DIP2C: variants seen among roughly 807,000 people sequenced by gnomAD.
DIP2C encodes the protein disco-interacting protein 2 homolog C.
In DIP2C, 33 loss-of-function variants were observed where a neutral mutation model predicts 192.4. The observed-to-expected ratio is 0.17, with a 90% confidence interval of 0.13 to 0.23. The LOEUF (loss-of-function observed/expected upper bound fraction) is 0.23, where lower values mean the gene tolerates loss of function less well. DIP2C is among the 10% of genes least tolerant of loss of function. DIP2C has a pLI of 1.00. For missense variants in DIP2C, 1,537 were observed against 2,110.1 expected (o/e 0.73, Z 5.32); for synonymous variants, 979 against 864.1 (o/e 1.13, Z -2.33).
rs1830791237 is a variant in DIP2C at position 674,620 on chromosome 10, T to A, written c.85+14874A>T. Among the ~76,000 whole-genome samples, 4 of 151,402 alleles carry A rather than the reference T, an allele frequency of 2.6e-5. No individual in the cohort carries two copies. In the South Asian group the frequency reaches 8.4e-4, roughly 32 times the overall value. ...CCCTGTGTCTACTAAATAGAAAAAA[T>A]TAACCGAGCATGGTGGCACATGCCT... is the stretch of plus-strand genomic sequence containing the variant. On this transcript the variant is annotated intron_variant, in intron 1 of 36. Coordinates refer to ENST00000280886, the MANE Select transcript of DIP2C (RefSeq NM_014974.3).
intron 1 of DIP2C, among the ~76,000 whole-genome samples, chr10:606,123 C>CG (rs1852447567): frequency 6.6e-6 from 1 of 152,248 alleles, no homozygotes; most frequent in Non-Finnish European, 1.5e-5. Context: ...CCCACGAACC[C>CG]GTTTCTCCTC....
At chr10:517,007 A>G (rs1216635479) in intron 1 of DIP2C, among the ~76,000 whole-genome samples, 2 of 151,684 alleles carry the variant, frequency 1.3e-5, no homozygotes, top group African/African-American at 4.9e-5. Context: ...ACTCAGGCCC[A>G]TCAGGGGCTT....
intron 3 of DIP2C, among the ~76,000 whole-genome samples, chr10:460,252 A>G (rs1026196789): frequency 5.9e-5 from 9 of 152,230 alleles, no homozygotes; most frequent in Admixed American, 3.3e-4. Flanking sequence ...AAAAAAGGTG[A>G]TAACTAAAGC....
intron 4 of DIP2C, among the ~76,000 whole-genome samples, chr10:424,966 C>CCAACGGTGACTAATATGACACGGATGATA (rs1966479727): frequency 6.8e-6 from 1 of 147,372 alleles, no homozygotes. Context: ...TACAGCATGA[C>CCAACGGTGACTAATATGACACGGATGATA]CAGCAGTGAC....
intron 1 of DIP2C, among the ~76,000 whole-genome samples, chr10:559,770 A>C (rs1280341334): frequency 6.6e-6 from 1 of 152,208 alleles, no homozygotes; most frequent in Non-Finnish European, 1.5e-5. Context: ...GAGGAAGCCC[A>C]GCCCCGGAGC....
At chr10:326,683 G>A (rs1364653534) in intron 31 of DIP2C, among the ~76,000 whole-genome samples, 3 of 152,228 alleles carry the variant, frequency 2.0e-5, no homozygotes, top group Non-Finnish European at 4.4e-5. Flanking sequence ...AGTACTTCGA[G>A]GGACTGGTTT....
At chr10:638,916 C>A (rs1588652903) in intron 1 of DIP2C, among the ~76,000 whole-genome samples, 2 of 152,380 alleles carry the variant, frequency 1.3e-5, no homozygotes, top group South Asian at 4.1e-4. Flanking sequence ...TTTCTACAAA[C>A]CCACGGCCAC....
intron 1 of DIP2C, among the ~76,000 whole-genome samples, chr10:514,791 T>TG (rs1280883065): frequency 1.3e-5 from 2 of 152,034 alleles, no homozygotes; most frequent in African/African-American, 2.4e-5. Flanking sequence ...CCCCCTTCCA[T>TG]GGGGGGCTTT....
At chr10:627,793 G>A (rs1242304124) in intron 1 of DIP2C, among the ~76,000 whole-genome samples, 1 of 152,250 alleles carries the variant, frequency 6.6e-6, no homozygotes, top group Admixed American at 6.5e-5. Context: ...TCAGCCACGT[G>A]GACGCTTACA....
intron 3 of DIP2C, among the ~76,000 whole-genome samples, chr10:442,038 G>A (rs1013750448): frequency 1.3e-5 from 2 of 150,660 alleles, no homozygotes; most frequent in Middle Eastern, 3.2e-3. Flanking sequence ...CAGAATAACA[G>A]GCTTCAAGAC....
intron 10 of DIP2C, among the ~76,000 whole-genome samples, chr10:397,653 C>T (rs1474027173): frequency 6.6e-6 from 1 of 152,248 alleles, no homozygotes; most frequent in African/African-American, 2.4e-5. Context: ...ACACGACTGG[C>T]CGCCTACAGG....
intron 1 of DIP2C, among the ~76,000 whole-genome samples, chr10:681,005 C>T (rs938466348): frequency 3.3e-5 from 5 of 151,434 alleles, no homozygotes; most frequent in African/African-American, 9.7e-5. Flanking sequence ...ACGGAAATTC[C>T]AAGGAATGCA....
At chr10:467,144 C>G (rs1039794935) in intron 3 of DIP2C, among the ~76,000 whole-genome samples, 2 of 152,110 alleles carry the variant, frequency 1.3e-5, no homozygotes, top group Middle Eastern at 3.4e-3. Context: ...AAATGTCCAA[C>G]AATGATAGAC....
At chr10:511,290 G>A (rs986577271) in intron 1 of DIP2C, among the ~76,000 whole-genome samples, 3 of 152,204 alleles carry the variant, frequency 2.0e-5, no homozygotes, top group Admixed American at 6.5e-5. Context: ...CTTCCTCCAA[G>A]GGGAAGCGGC....
chr10:599,322 AG>A (rs1851911170), intron 1 of DIP2C, among the ~76,000 whole-genome samples: 1 of 152,230 alleles, frequency 6.6e-6, no homozygotes, highest in Non-Finnish European at 1.5e-5. Context: ...AGGAACACAC[AG>A]GTAAGTGAGT....
chr10:286,160 C>T, intron 34 of DIP2C, 113 bp downstream of exon 34: 3 of 979,600 alleles, frequency 3.1e-6, no homozygotes, highest in South Asian at 3.0e-5. Flanking sequence ...ACTCACTCAG[C>T]TCAAACCGGT....
At chr10:492,196 C>G (rs1443661616) in intron 1 of DIP2C, among the ~76,000 whole-genome samples, 2 of 152,354 alleles carry the variant, frequency 1.3e-5, no homozygotes, top group East Asian at 3.9e-4. Context: ...ATACCCCAGA[C>G]AGCAGACAGA....
chr10:592,172 T>TTAGC (rs1371170935), intron 1 of DIP2C, among the ~76,000 whole-genome samples: 390 of 152,294 alleles, frequency 2.6e-3, no homozygotes, highest in Middle Eastern at 0.01. Flanking sequence ...AGCATATTAA[T>TTAGC]ATAAAGTGAA....
chr10:575,236 T>C (rs1057216327), intron 1 of DIP2C, among the ~76,000 whole-genome samples: 1 of 152,110 alleles, frequency 6.6e-6, no homozygotes, highest in African/African-American at 2.4e-5. Context: ...AAGTTTATTG[T>C]GAGTACAATT....
Sources: gnomAD v4.1 joint callset for allele counts (sites outside exome capture counted in the v4.1 genomes callset) on GRCh38, gnomAD v4.1.1 for gene constraint, MANE v1.5 for transcripts, NCBI Gene and HGNC (gene_info 2026-07-23, HGNC 2026-07-21) for gene names.